The following MEI4 variants were observed in gnomAD, a reference collection of about 807,000 sequenced individuals.
MEI4 encodes meiotic double-stranded break formation protein 4.
In MEI4, 27 loss-of-function variants were observed where a neutral mutation model predicts 31.4. The ratio of observed to expected loss-of-function variants is 0.86; its 90% CI spans 0.63 to 1.19. MEI4 has a LOEUF of 1.19. Ranked by LOEUF, MEI4 falls within the 50% of genes most tolerant of loss-of-function variation. The pLI is 0.00. For missense variants in MEI4, 329 were observed against 398.9 expected (o/e 0.82, Z 1.49); for synonymous variants, 122 against 145.4 (o/e 0.84, Z 1.16).
In MEI4 at chr6:77,922,128, T is replaced by G. The variant is rs1766717567; in HGVS notation, c.901-961T>G. Among the ~76,000 whole-genome samples the G allele has an allele frequency of 2.0e-5, 3 of 151,712 alleles. No homozygotes were observed. The South Asian group carries it at 6.2e-4, about 31-fold the overall frequency. On this transcript the variant is annotated intron_variant, in intron 4 of 4. Coordinates refer to ENST00000684080, the MANE Select transcript of MEI4 (RefSeq NM_001322247.2). ...ATGCCTGTATATATCTTACTCTGCT[T>G]ATTGGGTCACCTTGTTGAAGAATAT...
At chr6:77,651,857 G>A (rs1339646876), upstream of MEI4, among the ~76,000 whole-genome samples, 1 of 152,102 alleles carries the variant, frequency 6.6e-6, no homozygotes, top group East Asian at 1.9e-4. Context: ...TTTTGTGAAT[G>A]TTAGTCTGAA....
At chr6:77,902,687 A>T (rs1766209421) in intron 4 of MEI4, among the ~76,000 whole-genome samples, 1 of 152,102 alleles carries the variant, frequency 6.6e-6, no homozygotes. Context: ...CACTGAGATA[A>T]ATGGATATCT....
intron 2 of MEI4, among the ~76,000 whole-genome samples, chr6:77,748,641 A>G (rs1157431014): frequency 6.6e-6 from 1 of 152,224 alleles, no homozygotes; most frequent in Admixed American, 6.5e-5. Flanking sequence ...GGAGATTAAC[A>G]TTAGACTCCT....
At chr6:77,801,672 A>C (rs1157378582) in intron 3 of MEI4, among the ~76,000 whole-genome samples, 1 of 152,072 alleles carries the variant, frequency 6.6e-6, no homozygotes, top group East Asian at 1.9e-4. Flanking sequence ...TGTCCCAGAG[A>C]TTCTGGTATG....
chr6:77,675,532 C>CTTT (rs71758588), intron 1 of MEI4, among the ~76,000 whole-genome samples: 1 of 140,060 alleles, frequency 7.1e-6, no homozygotes, highest in African/African-American at 2.6e-5. Context: ...GGAAATATTG[C>CTTT]TTTTTTTTTT....
chr6:77,731,784 C>A (rs1301181762), intron 2 of MEI4, among the ~76,000 whole-genome samples: 3 of 151,918 alleles, frequency 2.0e-5, no homozygotes, highest in Non-Finnish European at 2.9e-5. Flanking sequence ...AGTCTTTAAA[C>A]CATCTTGAAT....
chr6:77,683,763 T>C (rs952792263), intron 1 of MEI4, among the ~76,000 whole-genome samples: 2 of 152,146 alleles, frequency 1.3e-5, no homozygotes, highest in Admixed American at 1.3e-4. Context: ...TTATTACATA[T>C]TTTTCTTTAT....
At chr6:77,817,818 G>T (rs1054137327) in intron 3 of MEI4, among the ~76,000 whole-genome samples, 4 of 152,034 alleles carry the variant, frequency 2.6e-5, no homozygotes, top group East Asian at 1.9e-4. Context: ...TAGGGCCCAG[G>T]TGTTAGGCAA....
intron 2 of MEI4, among the ~76,000 whole-genome samples, chr6:77,745,309 G>C (rs1767563147): frequency 6.6e-6 from 1 of 151,952 alleles, no homozygotes; most frequent in Admixed American, 6.6e-5. Context: ...AAAAAGGCAG[G>C]GGTTGCAATC....
intron 4 of MEI4, among the ~76,000 whole-genome samples, chr6:77,881,318 C>A (rs1317503414): frequency 1.3e-5 from 2 of 152,068 alleles, no homozygotes; most frequent in South Asian, 2.1e-4. Context: ...ACTACAGAAC[C>A]CTTTTTTCAG....
Position 77,668,290 on chromosome 6 carries a change from C to CT in MEI4, c.-15+15202dup, listed in dbSNP as rs538866977. 8.7e-4 allele frequency among the ~76,000 whole-genome samples: 132 copies of CT among 152,292 alleles called. 2 individuals are homozygous for CT. The highest frequency in any genetic ancestry group is 2.1e-3 in the Admixed American group (32 of 15,296). On this transcript the variant is annotated intron_variant, in intron 1 of 4. Coordinates refer to ENST00000684080, the MANE Select transcript of MEI4 (RefSeq NM_001322247.2). ...GATTTGGGAAAGTGAACATTATACTCTTTTGCCTTCTAGGGCAAACCTGAG... is the reference window on the plus strand; with the variant it reads ...GATTTGGGAAAGTGAACATTATACTCTTTTTGCCTTCTAGGGCAAACCTGAG...
intron 3 of MEI4, among the ~76,000 whole-genome samples, chr6:77,821,003 A>G (rs903083663): frequency 2.6e-5 from 4 of 151,890 alleles, no homozygotes; most frequent in African/African-American, 9.7e-5. Context: ...TATTGCATGC[A>G]CATCATTTCT....
At chr6:77,896,443 C>G (rs1322467012) in intron 4 of MEI4, among the ~76,000 whole-genome samples, 1 of 152,064 alleles carries the variant, frequency 6.6e-6, no homozygotes, top group African/African-American at 2.4e-5. Context: ...CATCAACTTT[C>G]CTCTAGAATA....
intron 4 of MEI4, among the ~76,000 whole-genome samples, chr6:77,895,143 T>C (rs1766057817): frequency 6.6e-6 from 1 of 152,200 alleles, no homozygotes; most frequent in Admixed American, 6.6e-5. Flanking sequence ...TGTCTATACG[T>C]ATCTTCTTTC....
intron 1 of MEI4, among the ~76,000 whole-genome samples, chr6:77,658,042 G>A (rs568222559): frequency 6.6e-6 from 1 of 152,366 alleles, no homozygotes; most frequent in South Asian, 2.1e-4. Context: ...CGTGTGAAGA[G>A]ACCACCAAAC....
chr6:77,730,524 T>C (rs1766951219), intron 2 of MEI4, among the ~76,000 whole-genome samples: 1 of 152,132 alleles, frequency 6.6e-6, no homozygotes, highest in Non-Finnish European at 1.5e-5. Context: ...AGTTTTTCCC[T>C]ACTAACTCTT....
Position 77,925,205 on chromosome 6 carries a change from G to A in MEI4, c.*1859G>A, listed in dbSNP as rs1022910873. 6.6e-6 allele frequency: 1 copy of A among 151,820 alleles called. No individual in the cohort carries two copies. Among genetic ancestry groups the A allele is most frequent in the African/African-American group, 2.4e-5 (1 of 41,374 alleles). 9.4% of individuals were successfully genotyped at this position (151,820 alleles called of 1,614,324 possible). A position where few individuals can be genotyped will look rare whatever the true frequency, so the allele number is the denominator to read the frequency against. ...AGCTACAACAAATTTATTAATTTCA[G>A]TGGTCTCCAAGGCTTCAAGGTCTGA... On this transcript the variant is annotated 3_prime_UTR_variant, in exon 5 of 5. Coordinates refer to ENST00000684080, the MANE Select transcript of MEI4 (RefSeq NM_001322247.2).
intron 4 of MEI4, among the ~76,000 whole-genome samples, chr6:77,841,334 T>TATATATATATA (rs1554168570): frequency 1.2e-3 from 38 of 32,722 alleles, no homozygotes; most frequent in African/African-American, 5.6e-3. Context: ...TATATATATA[T>TATATATATATA]TTTTTTTTTT....
chr6:77,837,773 A>G, intron 4 of MEI4, among the ~76,000 whole-genome samples: 1 of 152,216 alleles, frequency 6.6e-6, no homozygotes, highest in Admixed American at 6.5e-5. Flanking sequence ...TAATTGGGGA[A>G]AATCTGCACA....
Sources: allele counts gnomAD v4.1 joint callset (sites outside exome capture counted in the v4.1 genomes callset), GRCh38; gene constraint gnomAD v4.1.1; transcripts MANE v1.5; gene names NCBI Gene and HGNC (gene_info 2026-07-23, HGNC 2026-07-21).